ZBTB7C: variants seen among roughly 807,000 people sequenced by gnomAD.
ZBTB7C encodes the protein zinc finger and BTB domain containing 7C, also known as zinc finger and BTB domain-containing protein 7C.
ZBTB7C carries 8 observed loss-of-function variants against 25.7 expected under a neutral mutation model. The observed-to-expected ratio is 0.31, with a 90% CI of 0.18 to 0.56. The LOEUF (loss-of-function observed/expected upper bound fraction) is 0.56, where lower values mean the gene tolerates loss of function less well. Among genes scored for constraint, ZBTB7C ranks in the 20% least tolerant of loss-of-function variants. ZBTB7C has a pLI of 0.91. For synonymous variants in ZBTB7C, 394 were observed against 369.0 expected (o/e 1.07, Z -0.78); for missense variants, 824 against 855.2 (o/e 0.96, Z 0.46).
intron 3 of ZBTB7C, among the ~76,000 whole-genome samples, chr18:48,097,945 T>G (rs915211245): frequency 1.3e-5 from 2 of 152,018 alleles, no homozygotes; most frequent in Non-Finnish European, 1.5e-5. Context: ...ACCCAGCCTC[T>G]CTCAGCAGGC....
chr18:48,314,922 C>A (rs1433458572), intron 2 of ZBTB7C, among the ~76,000 whole-genome samples: 1 of 152,186 alleles, frequency 6.6e-6, no homozygotes, highest in African/African-American at 2.4e-5. Flanking sequence ...CCTGAGCCGG[C>A]TGTTAATGGG....
intron 3 of ZBTB7C, among the ~76,000 whole-genome samples, chr18:48,160,372 C>T (rs2040969478): frequency 6.6e-6 from 1 of 152,208 alleles, no homozygotes; most frequent in African/African-American, 2.4e-5. Context: ...TAACATGGAG[C>T]TACCCTAAAA....
At chr18:48,132,307 G>T (rs770480322) in intron 3 of ZBTB7C, among the ~76,000 whole-genome samples, 46 of 152,328 alleles carry the variant, frequency 3.0e-4, no homozygotes, top group Non-Finnish European at 5.9e-4. Context: ...TTAGTTGAAA[G>T]ACACTAGTCA....
intron 2 of ZBTB7C, among the ~76,000 whole-genome samples, chr18:48,198,850 C>T (rs149834387): frequency 1.2e-4 from 18 of 152,264 alleles, no homozygotes; most frequent in African/African-American, 4.3e-4. Context: ...TCTTGTCTAC[C>T]CTACACACCA....
rs141484975 is a variant in ZBTB7C, at chr18:48,163,048, G to T, written c.-17+22886C>A. Among the ~76,000 whole-genome samples the T allele has an allele frequency of 4.0e-4, 61 of 152,294 alleles. 1 individual carries two copies. The East Asian group carries it at 7.7e-3, about 19-fold the overall frequency. On this transcript the variant is annotated intron_variant, in intron 3 of 4. Coordinates refer to ENST00000590800, the MANE Select transcript of ZBTB7C (RefSeq NM_001318841.2). ...GGGATGTTTCCGAATGGGGCCCGTT[G>T]GTCCTCAGTGAAGCGGCAGCTACTG... is the stretch of plus-strand genomic sequence containing the variant.
At chr18:48,156,847 T>A (rs553527143) in intron 3 of ZBTB7C, among the ~76,000 whole-genome samples, 1 of 141,220 alleles carries the variant, frequency 7.1e-6, no homozygotes, top group South Asian at 2.4e-4. Flanking sequence ...CGAGAGCGAG[T>A]GATGTTGGAT....
intron 3 of ZBTB7C, among the ~76,000 whole-genome samples, chr18:48,047,632 C>G (rs1233699152): frequency 3.3e-5 from 5 of 152,140 alleles, no homozygotes; most frequent in Non-Finnish European, 7.4e-5. Flanking sequence ...CCAAGCAACC[C>G]TGTCTGAAAA....
chr18:48,302,570 C>T (rs2045570425), intron 2 of ZBTB7C, among the ~76,000 whole-genome samples: 1 of 152,226 alleles, frequency 6.6e-6, no homozygotes, highest in Non-Finnish European at 1.5e-5. Context: ...TAATTTTTCT[C>T]ATTGCACAGC....
intron 3 of ZBTB7C, among the ~76,000 whole-genome samples, chr18:48,138,786 A>G (rs2040251528): frequency 6.6e-6 from 1 of 152,238 alleles, no homozygotes. Flanking sequence ...CTAGTTAAAT[A>G]TCCAATGAAG....
chr18:48,389,230 CTCTCTCGTGTGTGTGTGTGTGTGTGTGT>C (rs2047830754), intron 1 of ZBTB7C, among the ~76,000 whole-genome samples: 4 of 78,830 alleles, frequency 5.1e-5, no homozygotes, highest in East Asian at 7.8e-4. Flanking sequence ...CTCTCTCTCT[CTCTCTCGTGTGTGTGTGTGTGTGTGTGT>C]GTGTGTGTGT....
intron 3 of ZBTB7C, among the ~76,000 whole-genome samples, chr18:48,153,056 T>C (rs2040726284): frequency 6.6e-6 from 1 of 152,206 alleles, no homozygotes; most frequent in African/African-American, 2.4e-5. Context: ...TTGAGAGCAG[T>C]GATGTTGGGA....
chr18:48,113,357 A>G (rs2039314203), intron 3 of ZBTB7C, among the ~76,000 whole-genome samples: 1 of 152,264 alleles, frequency 6.6e-6, no homozygotes, highest in Non-Finnish European at 1.5e-5. Flanking sequence ...AAAAACCATC[A>G]TGGTTAGTTA....
chr18:48,119,537 T>C lies in ZBTB7C; in HGVS notation c.-17+66397A>G, dbSNP rs575784033. 2.0e-3 allele frequency among the ~76,000 whole-genome samples: 299 copies of C among 152,392 alleles called. 1 individual carries two copies. Among genetic ancestry groups the C allele is most frequent in the African/African-American group, 6.9e-3 (289 of 41,600 alleles). ...GAATGGGGGCATTTCTCATTTGTAT[T>C]CTCATTCAAAATGTATACCTACTTT... is the stretch of plus-strand genomic sequence containing the variant. On this transcript the variant is annotated intron_variant, in intron 3 of 4. Coordinates refer to ENST00000590800, the MANE Select transcript of ZBTB7C (RefSeq NM_001318841.2).
At chr18:48,067,962 T>C (rs1015581693) in intron 3 of ZBTB7C, among the ~76,000 whole-genome samples, 2 of 151,728 alleles carry the variant, frequency 1.3e-5, no homozygotes, top group African/African-American at 4.8e-5. Flanking sequence ...GATTGCACCA[T>C]TGCACTCCGG....
intron 2 of ZBTB7C, among the ~76,000 whole-genome samples, chr18:48,225,769 A>G (rs1288615264): frequency 6.6e-6 from 1 of 151,808 alleles, no homozygotes; most frequent in Admixed American, 6.6e-5. Flanking sequence ...TTTGAGACAG[A>G]GTCTCACTCT....
At chr18:48,275,479 C>A (rs890307578) in intron 2 of ZBTB7C, among the ~76,000 whole-genome samples, 2 of 152,136 alleles carry the variant, frequency 1.3e-5, no homozygotes, top group African/African-American at 4.8e-5. Flanking sequence ...AGTGCCCGGC[C>A]CAGAGTCTGA....
intron 4 of ZBTB7C, among the ~76,000 whole-genome samples, chr18:48,038,947 C>G (rs1346667906): frequency 6.6e-6 from 1 of 152,158 alleles, no homozygotes. Context: ...CACCAGGAAC[C>G]AGAGATAGCA....
At chr18:48,099,762 A>G (rs1288109919) in intron 3 of ZBTB7C, among the ~76,000 whole-genome samples, 1 of 152,204 alleles carries the variant, frequency 6.6e-6, no homozygotes, top group East Asian at 1.9e-4. Context: ...TCACCCATCC[A>G]TCCCCAGGCG....
chr18:48,124,687 C>G (rs1280815435), intron 3 of ZBTB7C, among the ~76,000 whole-genome samples: 1 of 152,154 alleles, frequency 6.6e-6, no homozygotes, highest in African/African-American at 2.4e-5. Context: ...AGGATGCTGG[C>G]TGGCATTTTT....
Sources: gnomAD v4.1 joint callset for allele counts (sites outside exome capture counted in the v4.1 genomes callset) on GRCh38, gnomAD v4.1.1 for gene constraint, MANE v1.5 for transcripts, NCBI Gene and HGNC (gene_info 2026-07-23, HGNC 2026-07-21) for gene names.